The following FAHD1 variants were observed in gnomAD, a reference collection of about 807,000 sequenced individuals.
FAHD1 encodes FAH domain containing oxaloacetate decarboxylase 1.
Under a neutral mutation model 12.7 loss-of-function variants are expected in FAHD1, and 14 were observed. That is an observed-to-expected ratio of 1.10 (90% CI 0.73 to 1.72). FAHD1 has a LOEUF of 1.72. FAHD1 is among the 40% of genes most tolerant of loss of function. The probability of loss-of-function intolerance (pLI) is 0.00; values close to 1 mark genes in which losing one functional copy is unlikely to be tolerated. For missense variants in FAHD1, 351 were observed against 298.9 expected (o/e 1.17, Z -1.29); for synonymous variants, 153 against 124.9 (o/e 1.22, Z -1.50).
At chr16:1,829,240 A>G (rs1242979786), downstream of FAHD1, among the ~76,000 whole-genome samples, 1 of 152,216 alleles carries the variant, frequency 6.6e-6, no homozygotes, top group Admixed American at 6.5e-5. Context: ...TGGCCCCTGA[A>G]GAAAGCCTAG....
chr16:1,837,608 A>T, intron 1 of FAHD1: 1 of 464,898 alleles, frequency 2.2e-6, no homozygotes, highest in South Asian at 4.6e-5. Flanking sequence ...CCTTTATACA[A>T]TATGAAAAAA....
chr16:1,827,947 G>C, exon 1 of FAHD1: 1 of 1,586,802 alleles, frequency 6.3e-7, no homozygotes, highest in South Asian at 1.1e-5. Flanking sequence ...AGCAAGACAA[G>C]AGCAAGCAAC....
intron 1 of FAHD1, chr16:1,837,838 C>T: frequency 1.3e-6 from 2 of 1,535,304 alleles, no homozygotes; most frequent in Non-Finnish European, 1.8e-6. Flanking sequence ...ATGCTGTTTT[C>T]TGTTCATCTG....
chr16:1,837,109 A>G (rs1898770495), intron 1 of FAHD1, among the ~76,000 whole-genome samples: 1 of 152,144 alleles, frequency 6.6e-6, no homozygotes, highest in African/African-American at 2.4e-5. Flanking sequence ...TTGAACACAA[A>G]GACTCGAGGA....
At chr16:1,831,058 C>T (rs1037580125), downstream of FAHD1, among the ~76,000 whole-genome samples, 6 of 152,110 alleles carry the variant, frequency 3.9e-5, no homozygotes, top group African/African-American at 1.4e-4. Context: ...CATTATCACG[C>T]TTAAGAAAAT....
At chr16:1,838,017 G>C in exon 2 of FAHD1, 2 of 1,415,346 alleles carry the variant, frequency 1.4e-6, no homozygotes, top group Non-Finnish European at 1.9e-6. Flanking sequence ...TGTTTGTAGA[G>C]ACAGGGTCTC....
At chr16:1,838,597 A>G (rs575999808) in intron 2 of FAHD1, among the ~76,000 whole-genome samples, 18 of 152,308 alleles carry the variant, frequency 1.2e-4, no homozygotes, top group Middle Eastern at 3.4e-3. Context: ...AAATCTTCCT[A>G]GAAAAACCAC....
chr16:1,834,405 T>A, intron 1 of FAHD1: 1 of 1,115,160 alleles, frequency 9.0e-7, no homozygotes, highest in Non-Finnish European at 1.4e-6. Flanking sequence ...AAGGTTAATT[T>A]TTAAAATCCC....
chr16:1,834,816 T>G (rs993989636), intron 1 of FAHD1, among the ~76,000 whole-genome samples: 2 of 152,174 alleles, frequency 1.3e-5, no homozygotes, highest in African/African-American at 2.4e-5. Context: ...ACACCTGTTA[T>G]CCCAGCTACT....
At chr16:1,830,940 A>ACCCCACC (rs144646301), downstream of FAHD1, among the ~76,000 whole-genome samples, 1 of 98,450 alleles carries the variant, frequency 1.0e-5, no homozygotes, top group Non-Finnish European at 2.2e-5. Context: ...ACACACACAC[A>ACCCCACC]CACACCCATA....
chr16:1,838,913 A>C (rs1898821371), intron 2 of FAHD1, among the ~76,000 whole-genome samples: 1 of 152,160 alleles, frequency 6.6e-6, no homozygotes, highest in African/African-American at 2.4e-5. Context: ...GCTGGTCTCA[A>C]ACTCCTGACC....
chr16:1,828,330 C>A (rs1898553865), exon 1 of FAHD1: 12 of 1,005,332 alleles, frequency 1.2e-5, no homozygotes, highest in Non-Finnish European at 1.4e-5. Flanking sequence ...GATTGCTATG[C>A]CTCAACTCAT....
chr16:1,839,427 C>T lies in FAHD1; in HGVS notation c.*174C>T. On this transcript the variant is annotated 3_prime_UTR_variant, in exon 3 of 3. Coordinates refer to the FAHD1 transcript ENST00000382666. ...GTTAGATGCTTCATTTACAATATAA[C>T]CACAGCTGGAACTGAAAAGAAACAA... is the stretch of plus-strand genomic sequence containing the variant. 1.9e-6 allele frequency: 3 copies of T among 1,610,298 alleles called. No individual in the cohort carries two copies. In the South Asian group the frequency reaches 3.3e-5, roughly 18 times the overall value.
chr16:1,833,782 C>T (rs560298044), downstream of FAHD1, among the ~76,000 whole-genome samples: 13 of 151,982 alleles, frequency 8.6e-5, no homozygotes, highest in African/African-American at 1.9e-4. Flanking sequence ...AGGATGGTCT[C>T]GATCTCCTGA....
At chr16:1,838,301 A>C (rs891889313) in intron 2 of FAHD1, among the ~76,000 whole-genome samples, 1 of 152,122 alleles carries the variant, frequency 6.6e-6, no homozygotes, top group East Asian at 1.9e-4. Context: ...TGCCCAGCCA[A>C]CTCAACTGTT....
intron 1 of FAHD1, chr16:1,837,885 A>T (rs542509711): frequency 3.9e-5 from 56 of 1,444,068 alleles, no homozygotes; most frequent in African/African-American, 2.9e-4. Context: ...TTAAAAAAAA[A>T]ATATGAGACA....
At chr16:1,835,412 C>T (rs1340950283) in intron 1 of FAHD1, among the ~76,000 whole-genome samples, 1 of 151,960 alleles carries the variant, frequency 6.6e-6, no homozygotes, top group Non-Finnish European at 1.5e-5. Context: ...TTTTAATAGT[C>T]TTATTTTTTA....
chr16:1,836,303 T>C (rs992381110), intron 1 of FAHD1, among the ~76,000 whole-genome samples: 17 of 152,242 alleles, frequency 1.1e-4, no homozygotes, highest in Non-Finnish European at 2.5e-4. Context: ...GGAACATCTG[T>C]TACACACATT....
chr16:1,837,743 A>G (rs1171624836), intron 1 of FAHD1: 1 of 1,030,874 alleles, frequency 9.7e-7, no homozygotes, highest in African/African-American at 1.6e-5. Context: ...ATACAGAATA[A>G]TAAATATATA....
Sources: allele counts gnomAD v4.1 joint callset (sites outside exome capture counted in the v4.1 genomes callset), GRCh38; gene constraint gnomAD v4.1.1; transcripts MANE v1.5; gene names NCBI Gene and HGNC (gene_info 2026-07-23, HGNC 2026-07-21).